CASD1: variants seen among roughly 807,000 people sequenced by gnomAD.
The protein encoded by CASD1 is N-acetylneuraminate (7)9-O-acetyltransferase.
A neutral mutation model predicts 100.0 loss-of-function variants in CASD1; 41 were observed. That is an observed-to-expected ratio of 0.41 (90% confidence interval 0.32 to 0.53). The LOEUF is 0.53. CASD1 is among the 20% of genes least tolerant of loss of function. The probability of loss-of-function intolerance (pLI) is 0.25; values close to 1 mark genes in which losing one functional copy is unlikely to be tolerated. For synonymous variants in CASD1, 321 were observed against 315.6 expected, an observed-to-expected ratio of 1.02 and a Z score of -0.18; for missense variants, 774 against 948.7, an observed-to-expected ratio of 0.82 and a Z score of 2.42.
chr7:94,557,951 A>G (rs1366749020), downstream of CASD1, among the ~76,000 whole-genome samples: 4 of 152,118 alleles, frequency 2.6e-5, no homozygotes, highest in African/African-American at 4.8e-5. Flanking sequence ...CAATCATACC[A>G]TTCTTTAGAA....
chr7:94,599,785 A>G, the CASD1 span: 4 of 1,144,688 alleles, frequency 3.5e-6, no homozygotes, highest in South Asian at 1.2e-5. Context: ...CATTAAGACT[A>G]TATGCTCATG....
intron 3 of CASD1, among the ~76,000 whole-genome samples, 168 bp downstream of exon 3, chr7:94,518,491 CAA>C (rs1293874262): frequency 4.6e-5 from 7 of 151,984 alleles, no homozygotes; most frequent in African/African-American, 1.4e-4. Context: ...AGGAAGATGA[CAA>C]AAAGAAGTGG....
At chr7:94,512,466 G>A (rs565426642) in intron 1 of CASD1, among the ~76,000 whole-genome samples, 63 of 152,314 alleles carry the variant, frequency 4.1e-4, no homozygotes, top group African/African-American at 1.3e-3. Context: ...GCAAGGTAGA[G>A]TGAATGCAGT....
At chr7:94,563,770 C>A in the CASD1 span, among the ~76,000 whole-genome samples, 1 of 151,402 alleles carries the variant, frequency 6.6e-6, no homozygotes, top group East Asian at 1.9e-4. Flanking sequence ...GCCCCCAGAA[C>A]CCAAAGAGCC....
intron 14 of CASD1, 150 bp downstream of exon 14, chr7:94,549,784 ACT>A (rs1241683999): frequency 1.8e-6 from 1 of 541,720 alleles, no homozygotes; most frequent in East Asian, 3.1e-5. Flanking sequence ...TACCCCCTGC[ACT>A]CTTTTCTTTA....
At chr7:94,617,022 AGGTGTTG>A in the CASD1 span, 2 of 152,198 alleles carry the variant, frequency 1.3e-5, no homozygotes, top group African/African-American at 4.8e-5. Flanking sequence ...ACCCTCTAGC[AGGTGTTG>A]GGTGTTGGGG....
At chr7:94,533,063 C>T (rs931558138) in intron 5 of CASD1, 142 bp from the exon 6 acceptor site, 7 of 489,448 alleles carry the variant, frequency 1.4e-5, no homozygotes, top group Middle Eastern at 1.1e-3. Flanking sequence ...CAATAATAAG[C>T]AATAATAATA....
chr7:94,603,494 T>G, the CASD1 span: 1 of 1,581,544 alleles, frequency 6.3e-7, no homozygotes, highest in East Asian at 2.3e-5. Context: ...TTAAGAAAAT[T>G]GAAAACACTA....
intron 3 of CASD1, among the ~76,000 whole-genome samples, chr7:94,523,162 T>G (rs1375740477): frequency 6.6e-6 from 1 of 152,190 alleles, no homozygotes; most frequent in African/African-American, 2.4e-5. Flanking sequence ...AGGTGTTCAT[T>G]ACTGCTGCTT....
chr7:94,529,159 T>G (rs1794726321), intron 5 of CASD1, among the ~76,000 whole-genome samples: 2 of 152,328 alleles, frequency 1.3e-5, no homozygotes, highest in South Asian at 2.1e-4. Flanking sequence ...TGTTTATATG[T>G]TTTTAAATGT....
At chr7:94,571,867 C>T in the CASD1 span, among the ~76,000 whole-genome samples, 1 of 112,332 alleles carries the variant, frequency 8.9e-6, no homozygotes, top group Non-Finnish European at 1.7e-5. Flanking sequence ...TTTACTAAAA[C>T]CTCAAAAAAA....
At chr7:94,603,290 C>A in the CASD1 span, 1 of 1,609,950 alleles carries the variant, frequency 6.2e-7, no homozygotes, top group South Asian at 1.1e-5. Context: ...AAAAACTTAC[C>A]AATGAAATTT....
At chr7:94,630,122 G>C in the CASD1 span, among the ~76,000 whole-genome samples, 3 of 151,882 alleles carry the variant, frequency 2.0e-5, no homozygotes, top group African/African-American at 7.2e-5. Context: ...ATCAAATAAT[G>C]AAGCTATCCA....
At chr7:94,619,785 GT>G in the CASD1 span, 1 of 152,158 alleles carries the variant, frequency 6.6e-6, no homozygotes. Context: ...AGCTGCTTGT[GT>G]TTTTCATTGT....
chr7:94,592,410 A>G, the CASD1 span, among the ~76,000 whole-genome samples: 1 of 152,182 alleles, frequency 6.6e-6, no homozygotes, highest in Non-Finnish European at 1.5e-5. Flanking sequence ...AGGCCCTATA[A>G]TCCTTCCAAG....
downstream of CASD1, among the ~76,000 whole-genome samples, chr7:94,558,875 C>G (rs1796289887): frequency 2.6e-5 from 4 of 152,106 alleles, no homozygotes; most frequent in Admixed American, 2.6e-4. Flanking sequence ...TCTTGGCTTA[C>G]TGCAACCTCC....
the CASD1 span, among the ~76,000 whole-genome samples, chr7:94,601,882 TTTTA>T: frequency 2.6e-5 from 4 of 152,272 alleles, no homozygotes; most frequent in Admixed American, 2.6e-4. Flanking sequence ...TTCTTTTATA[TTTTA>T]TTTATTATGT....
chr7:94,561,499 T>G (rs527476364), downstream of CASD1, among the ~76,000 whole-genome samples: 4 of 148,120 alleles, frequency 2.7e-5, no homozygotes, highest in African/African-American at 8.0e-5. Flanking sequence ...TGTTATGCCT[T>G]CCTTAAACAT....
At chr7:94,549,056 G>T (rs1182619107) in intron 13 of CASD1, among the ~76,000 whole-genome samples, 2 of 151,874 alleles carry the variant, frequency 1.3e-5, no homozygotes, top group East Asian at 3.9e-4. Context: ...AGATTATTGA[G>T]GACATTTGGA....
Sources: gnomAD v4.1 joint callset for allele counts (sites outside exome capture counted in the v4.1 genomes callset) on GRCh38, gnomAD v4.1.1 for gene constraint, MANE v1.5 for transcripts, NCBI Gene and HGNC (gene_info 2026-07-23, HGNC 2026-07-21) for gene names.